The following NTRK1 variants were observed in gnomAD, a reference collection of about 807,000 sequenced individuals.
NTRK1 encodes the protein high affinity nerve growth factor receptor.
A neutral mutation model predicts 86.8 loss-of-function variants in NTRK1; 62 were observed. The ratio of observed to expected loss-of-function variants is 0.71; its 90% CI spans 0.58 to 0.88. The LOEUF is 0.88. Ranked by LOEUF, NTRK1 falls within the 40% of genes least tolerant of loss-of-function variation. NTRK1 has a pLI of 0.00. For synonymous variants in NTRK1, 469 were observed against 456.6 expected (o/e 1.03, Z -0.35); for missense variants, 967 against 1,078.4 (o/e 0.90, Z 1.45).
rs193168310 is a variant in NTRK1, at chr1:156,836,275, G to A, written c.-63-5806G>A. On this transcript the variant is annotated intron_variant, in intron 1 of 16. Transcript: ENST00000392302. ...GGGGCCACACCCACAGACATCAAAG[G>A]GACAGGGCTGGGTAAAAAGTCCCGG... is the stretch of plus-strand genomic sequence containing the variant. Among the ~76,000 whole-genome samples the A allele has an allele frequency of 3.2e-4, 49 of 152,312 alleles. 1 individual carries two copies. Among genetic ancestry groups the A allele is most frequent in the East Asian group, 2.9e-3 (15 of 5,190 alleles).
rs113794909 is a variant in NTRK1, at chr1:156,841,263, G to A, written c.-63-818G>A. 4.9e-3 allele frequency: 5,031 copies of A among 1,028,262 alleles called. 170 individuals are homozygous for A. The African/African-American group carries it at 0.067, about 14-fold the overall frequency. 63.7% of individuals were successfully genotyped at this position (1,028,262 alleles called of 1,614,324 possible). ...TGGGAGTCTTGGGGGTTTGGGATAG[G>A]GGGGTGGCGCTCATAGCTGAGGGTC... On this transcript the variant is annotated intron_variant, in intron 1 of 16. Coordinates refer to the NTRK1 transcript ENST00000392302.
At chr1:156,819,093 CCCAGGTT>C (rs1654112660) in intron 1 of NTRK1, among the ~76,000 whole-genome samples, 1 of 152,116 alleles carries the variant, frequency 6.6e-6, no homozygotes, top group Non-Finnish European at 1.5e-5. Context: ...ACCTCTGCCT[CCCAGGTT>C]CAAGTGATTC....
At chr1:156,827,364 G>A (rs967121652) in intron 1 of NTRK1, among the ~76,000 whole-genome samples, 10 of 151,962 alleles carry the variant, frequency 6.6e-5, no homozygotes, top group Non-Finnish European at 1.3e-4. Flanking sequence ...CAGGTTCTAA[G>A]GGATTCTTTT....
At chr1:156,850,877 A>G (rs1571668553) in intron 2 of NTRK1, among the ~76,000 whole-genome samples, 1 of 152,200 alleles carries the variant, frequency 6.6e-6, no homozygotes, top group East Asian at 1.9e-4. Context: ...ATTTTAAAAA[A>G]TGCTGGCTAC....
chr1:156,832,608 A>C (rs1368737810), intron 1 of NTRK1, among the ~76,000 whole-genome samples: 1 of 152,156 alleles, frequency 6.6e-6, no homozygotes, highest in Admixed American at 6.5e-5. Context: ...GCAGGCTTAG[A>C]GCTGCAAAGC....
At chr1:156,833,328 G>T (rs966527350) in intron 1 of NTRK1, among the ~76,000 whole-genome samples, 1 of 152,106 alleles carries the variant, frequency 6.6e-6, no homozygotes, top group Admixed American at 6.5e-5. Flanking sequence ...AGGCCGAGGC[G>T]GGCAGATCAC....
chr1:156,857,940 G>A (rs551379187), upstream of NTRK1, among the ~76,000 whole-genome samples: 10 of 151,496 alleles, frequency 6.6e-5, no homozygotes, highest in Admixed American at 3.3e-4. Context: ...TCTCTAAAAC[G>A]TACTGATGGG....
rs746834062 is a variant in NTRK1 at position 156,849,509 on chromosome 1, G to C, written c.50+7316G>C. On this transcript the variant is annotated intron_variant, in intron 2 of 16. Transcript: ENST00000392302. ...CTCTGCGGGGAGGTGGGGGCAGGGGGTGGGAAAGGGGATGGCTTATGGGTT... is the reference window on the plus strand; with the variant it reads ...CTCTGCGGGGAGGTGGGGGCAGGGGCTGGGAAAGGGGATGGCTTATGGGTT... 12 of 1,105,738 alleles carry C rather than the reference G, an allele frequency of 1.1e-5. No homozygotes were observed. The African/African-American group carries it at 1.4e-4, about 13-fold the overall frequency. 68.5% of individuals were successfully genotyped at this position (1,105,738 alleles called of 1,614,324 possible).
intron 2 of NTRK1, among the ~76,000 whole-genome samples, chr1:156,850,536 T>C (rs1262360602): frequency 1.3e-5 from 1 of 74,406 alleles, no homozygotes; most frequent in Non-Finnish European, 2.4e-5. Context: ...AAAACATTCT[T>C]TTTTTTTTTT....
intron 1 of NTRK1, chr1:156,816,682 A>G (rs1338780730): frequency 1.2e-6 from 2 of 1,601,822 alleles, no homozygotes; most frequent in South Asian, 2.2e-5. Context: ...TACCTTGGGG[A>G]CATATCTGGG....
At chr1:156,837,994 G>T (rs1461148200) in intron 1 of NTRK1, 4 of 152,128 alleles carry the variant, frequency 2.6e-5, no homozygotes, top group Non-Finnish European at 4.4e-5. Flanking sequence ...TTCCTACTTG[G>T]TGACAGCCAG....
chr1:156,879,887 C>A, intron 15 of NTRK1, 112 bp from the exon 16 acceptor site: 2 of 1,374,790 alleles, frequency 1.5e-6, no homozygotes, highest in South Asian at 1.2e-5. Context: ...GGATTACAGG[C>A]GTGAACCACC....
At chr1:156,855,212 T>TATCTATCTATCTATCTATC (rs60194471) in intron 2 of NTRK1, among the ~76,000 whole-genome samples, 590 of 28,520 alleles carry the variant, frequency 0.021, 2 homozygotes, top group East Asian at 0.042. Context: ...ATCTATCTAT[T>TATCTATCTATCTATCTATC]TATTTATTTG....
At chr1:156,824,358 G>C (rs1451665880) in intron 1 of NTRK1, among the ~76,000 whole-genome samples, 1 of 152,086 alleles carries the variant, frequency 6.6e-6, no homozygotes, top group Admixed American at 6.5e-5. Flanking sequence ...TTATCAGTTG[G>C]TTATATGGAC....
chr1:156,853,173 T>G lies in NTRK1; in HGVS notation c.50+10980T>G, dbSNP rs552646555. ...TCAGTTCTTCATTGATCATCTCCTT[T>G]CTTCTCCTGCTCACCCCCAACCTCA... On this transcript the variant is annotated intron_variant, in intron 2 of 16. Transcript: ENST00000392302. Among the ~76,000 whole-genome samples the G allele has an allele frequency of 2.0e-5, 3 of 152,270 alleles. No individual in the cohort carries two copies. In the South Asian group the frequency reaches 6.2e-4, roughly 32 times the overall value.
In NTRK1 at chr1:156,874,596, G is replaced by C. The variant is rs1309444682; in HGVS notation, c.1221G>C (p.Pro407=). 6.2e-7 allele frequency: 1 copy of C among 1,614,136 alleles called. No homozygotes were observed. The highest frequency in any genetic ancestry group is 1.7e-5 in the Admixed American group (1 of 60,016). Residue 407 remains proline, a synonymous_variant, in exon 10 of 17, where the codon CCG becomes CCC. Transcript: ENST00000524377. ...PVDTNSTSGD[P]VEKKDETPFG... ...ACACTAACAGCACATCTGGAGACCC[G>C]GTGGAGAAGAAGGACGAAACACCTT...
At chr1:156,857,147 T>G (rs924429591), upstream of NTRK1, among the ~76,000 whole-genome samples, 2 of 150,564 alleles carry the variant, frequency 1.3e-5, no homozygotes, top group Non-Finnish European at 2.9e-5. Context: ...AGCTTGGCTC[T>G]GCCCAGCAGC....
chr1:156,815,750 G>C, exon 1 of NTRK1: 1 of 1,541,342 alleles, frequency 6.5e-7, no homozygotes, highest in Non-Finnish European at 9.0e-7. Context: ...TCAATGCACT[G>C]CACCCTGGTC....
rs777793536 is a variant in NTRK1, at chr1:156,854,014, G to A, written c.51-10340G>A. ...CGGCCCCAAGTGCAGGCAGTGCCACGTCACGCAGATGTGGCATCTCAAAGA... is the reference window on the plus strand; with the variant it reads ...CGGCCCCAAGTGCAGGCAGTGCCACATCACGCAGATGTGGCATCTCAAAGA... On this transcript the variant is annotated intron_variant, in intron 2 of 16. Coordinates refer to the NTRK1 transcript ENST00000392302. This position sits in a 1 kb window ranked among gnomAD's most constrained non-coding sequence, Gnocchi z 4.2. 1.9e-5 allele frequency: 30 copies of A among 1,613,802 alleles called. No individual in the cohort carries two copies. Among genetic ancestry groups the A allele is most frequent in the Non-Finnish European group, 2.3e-5 (27 of 1,179,916 alleles).
Sources: gnomAD v4.1 joint callset for allele counts (sites outside exome capture counted in the v4.1 genomes callset) on GRCh38, gnomAD v4.1.1 for gene constraint, Gnocchi (gnomAD v3.1) non-coding constraint, MANE v1.5 for transcripts, NCBI Gene and HGNC (gene_info 2026-07-23, HGNC 2026-07-21) for gene names.